Variants in ABCA13 observed in about 807,000 individuals in gnomAD.
ABCA13 encodes the protein ATP binding cassette subfamily A member 13, also known as ATP-binding cassette sub-family A member 13.
A neutral mutation model predicts 478.7 loss-of-function variants in ABCA13; 476 were observed. The observed-to-expected ratio is 0.99, with a 90% CI of 0.92 to 1.07. The LOEUF is 1.07. Among genes scored for constraint, ABCA13 ranks in the 50% least tolerant of loss-of-function variants. ABCA13 has a pLI of 0.00. For synonymous variants in ABCA13, 2,252 were observed against 2,158.9 expected, an observed-to-expected ratio of 1.04 and a Z score of -1.20; for missense variants, 6,060 against 5,910.6, an observed-to-expected ratio of 1.03 and a Z score of -0.83.
intron 55 of ABCA13, among the ~76,000 whole-genome samples, chr7:48,570,711 C>G (rs1787560162): frequency 6.6e-6 from 1 of 151,876 alleles, no homozygotes; most frequent in Non-Finnish European, 1.5e-5. Context: ...AAAAAAAAAT[C>G]CAGTCTGCCA....
intron 23 of ABCA13, among the ~76,000 whole-genome samples, chr7:48,309,123 A>G (rs1801366532): frequency 6.7e-6 from 1 of 148,256 alleles, no homozygotes; most frequent in South Asian, 2.2e-4. Context: ...TTTATATCTT[A>G]CTGTATTTTG....
intron 35 of ABCA13, among the ~76,000 whole-genome samples, chr7:48,379,765 G>A (rs1563155030): frequency 6.6e-6 from 1 of 152,158 alleles, no homozygotes; most frequent in Non-Finnish European, 1.5e-5. Flanking sequence ...TAGGAAAAAC[G>A]TGGGAAGAAA....
chr7:48,616,006 G>A (rs1792533881), intron 59 of ABCA13, among the ~76,000 whole-genome samples: 1 of 151,574 alleles, frequency 6.6e-6, no homozygotes, highest in African/African-American at 2.4e-5. Context: ...TTACATCCTG[G>A]TATAACATTA....
intron 55 of ABCA13, among the ~76,000 whole-genome samples, chr7:48,539,994 CAG>C (rs1364449108): frequency 6.6e-6 from 1 of 152,062 alleles, no homozygotes; most frequent in East Asian, 1.9e-4. Context: ...TGTTTGAGAA[CAG>C]AAAGTAGAGA....
At chr7:48,377,506 C>T (rs1362586015) in intron 35 of ABCA13, among the ~76,000 whole-genome samples, 2 of 152,118 alleles carry the variant, frequency 1.3e-5, no homozygotes, top group Non-Finnish European at 2.9e-5. Flanking sequence ...AAATGCAGTT[C>T]ATTCTGTTTG....
Position 48,594,805 on chromosome 7 carries a change from C to T in ABCA13, c.14736C>T (p.Thr4912=), listed in dbSNP as rs1343293645. The T allele has an allele frequency of 6.2e-7, 1 of 1,613,670 alleles. No homozygotes were observed. Among genetic ancestry groups the T allele is most frequent in the Admixed American group, 1.7e-5 (1 of 60,010 alleles). The change falls in exon 58 of 62, where the codon ACC becomes ACT. Residue 4912 remains threonine, a synonymous_variant. Transcript: ENST00000435803. ...GGGAAGGCTGTGCTGCGGTGCTGAC[C>T]TCCCACAGGTGAGTTCCAGTTTCTC... ...EVREGCAAVL[T]SHSMEECEAL... is the part of the protein sequence containing the mutation.
intron 1 of ABCA13, among the ~76,000 whole-genome samples, chr7:48,186,538 A>G (rs975219636): frequency 1.3e-5 from 2 of 151,868 alleles, no homozygotes; most frequent in Admixed American, 6.6e-5. Flanking sequence ...TAAATGTGGT[A>G]TGTACTTTAT....
intron 53 of ABCA13, 25 bp downstream of exon 53, chr7:48,520,319 G>A (rs1180453513): frequency 3.2e-6 from 5 of 1,580,814 alleles, no homozygotes; most frequent in African/African-American, 2.7e-5. Context: ...ACTCATCCTC[G>A]AGCTGCACTT....
intron 25 of ABCA13, 147 bp downstream of exon 25, chr7:48,313,378 G>A: frequency 1.2e-6 from 1 of 808,002 alleles, no homozygotes; most frequent in Non-Finnish European, 1.9e-6. Context: ...ATCTCTGGAA[G>A]CAACAGCATA....
At chr7:48,465,470 A>G (rs987301364) in intron 43 of ABCA13, among the ~76,000 whole-genome samples, 1 of 151,266 alleles carries the variant, frequency 6.6e-6, no homozygotes, top group Admixed American at 6.6e-5. Context: ...CAAAAAATTA[A>G]TTAGAGAAAT....
Position 48,193,097 on chromosome 7 carries a change from A to G in ABCA13, c.163+45A>G, listed in dbSNP as rs1421876044. ...ATACTTTTTGAATTAACCTTTGGAG[A>G]AAAAAAACTCATAGCACTCTTTCTT... On this transcript the variant is annotated intron_variant, in intron 2 of 61. Transcript: ENST00000435803. The G allele has an allele frequency of 4.4e-6, 6 of 1,354,244 alleles. No homozygotes were observed. In the Admixed American group the frequency reaches 9.2e-5, roughly 21 times the overall value. 83.9% of individuals were successfully genotyped at this position (1,354,244 alleles called of 1,614,324 possible).
At chr7:48,308,148 T>A (rs1029458385) in intron 23 of ABCA13, among the ~76,000 whole-genome samples, 12 of 152,206 alleles carry the variant, frequency 7.9e-5, no homozygotes, top group African/African-American at 2.9e-4. Flanking sequence ...ATCGTATTTT[T>A]AAAAATTAAG....
intron 42 of ABCA13, among the ~76,000 whole-genome samples, chr7:48,454,052 GT>G (rs1449044450): frequency 6.6e-6 from 1 of 152,134 alleles, no homozygotes; most frequent in African/African-American, 2.4e-5. Context: ...CTGTATTTCA[GT>G]TTGGTGTTTG....
In ABCA13 at chr7:48,502,778, A is replaced by G. The variant is rs533026037; in HGVS notation, c.13292-3558A>G. On this transcript the variant is annotated intron_variant, in intron 48 of 61. Transcript: ENST00000435803. ...AATTCTGATGTGACATAGTTGCTCT[A>G]TCAGAATTTATACAAATAGTCTAAT... is the stretch of plus-strand genomic sequence containing the variant. Among the ~76,000 whole-genome samples, 6 of 152,328 alleles carry G rather than the reference A, an allele frequency of 3.9e-5. No individual in the cohort carries two copies. In the East Asian group the frequency reaches 1.2e-3, roughly 29 times the overall value.
At chr7:48,540,398 TC>T (rs1833872535) in intron 55 of ABCA13, among the ~76,000 whole-genome samples, 1 of 152,142 alleles carries the variant, frequency 6.6e-6, no homozygotes, top group Non-Finnish European at 1.5e-5. Flanking sequence ...GGTCTGCAAG[TC>T]CCTTATTATA....
chr7:48,237,012 GTTT>G (rs35078208), intron 8 of ABCA13, among the ~76,000 whole-genome samples: 36,982 of 130,892 alleles, frequency 0.28, 5,714 homozygotes, highest in Middle Eastern at 0.4. Flanking sequence ...AGAGGGTAGG[GTTT>G]TTTTTTTTTT....
At chr7:48,179,280 G>C (rs1257097239) in intron 1 of ABCA13, among the ~76,000 whole-genome samples, 1 of 152,164 alleles carries the variant, frequency 6.6e-6, no homozygotes, top group Non-Finnish European at 1.5e-5. Flanking sequence ...CTATTTATTG[G>C]GGAACTGGTC....
At chr7:48,307,042 A>G (rs999387944) in intron 23 of ABCA13, among the ~76,000 whole-genome samples, 1 of 152,256 alleles carries the variant, frequency 6.6e-6, no homozygotes, top group African/African-American at 2.4e-5. Context: ...TAGGTCCCAA[A>G]TCCGCTGGCC....
At chr7:48,418,325 G>A (rs552380961) in intron 41 of ABCA13, among the ~76,000 whole-genome samples, 1 of 152,216 alleles carries the variant, frequency 6.6e-6, no homozygotes, top group Admixed American at 6.5e-5. Context: ...AGTTTCTGTT[G>A]TTCCATATTC....
Sources: gnomAD v4.1 joint callset for allele counts (sites outside exome capture counted in the v4.1 genomes callset) on GRCh38, gnomAD v4.1.1 for gene constraint, MANE v1.5 for transcripts, NCBI Gene and HGNC (gene_info 2026-07-23, HGNC 2026-07-21) for gene names.